Variants in NHSL3 observed in about 807,000 individuals in gnomAD.
The protein encoded by NHSL3 is NHS like 3, also known as NHS-like protein 3.
At chr1:32,742,719 C>G in the NHSL3 span, among the ~76,000 whole-genome samples, 1 of 152,250 alleles carries the variant, frequency 6.6e-6, no homozygotes, top group African/African-American at 2.4e-5. Flanking sequence ...CTTAACAGTG[C>G]TGGCTTTTCC....
chr1:32,745,805 A>G, the NHSL3 span, among the ~76,000 whole-genome samples: 3 of 152,128 alleles, frequency 2.0e-5, no homozygotes, highest in African/African-American at 7.2e-5. Context: ...GCTGCTGAGG[A>G]CTTGAGCATT....
At chr1:32,752,960 T>C in the NHSL3 span, among the ~76,000 whole-genome samples, 2,239 of 18,420 alleles carry the variant, frequency 0.12, 76 homozygotes, top group African/African-American at 0.15. Context: ...CATATATATA[T>C]ATATATATTT....
chr1:32,744,145 C>T, the NHSL3 span, among the ~76,000 whole-genome samples: 4 of 152,270 alleles, frequency 2.6e-5, no homozygotes, highest in South Asian at 8.3e-4. Context: ...GAGGGATACA[C>T]AGGAGATTCC....
At chr1:32,753,679 C>G in the NHSL3 span, among the ~76,000 whole-genome samples, 2 of 152,170 alleles carry the variant, frequency 1.3e-5, no homozygotes, top group Non-Finnish European at 2.9e-5. Context: ...GTGACAGTCA[C>G]GGGGAGGTGG....
At chr1:32,773,834 G>A in the NHSL3 span, 1 of 152,802 alleles carries the variant, frequency 6.5e-6, no homozygotes, top group Non-Finnish European at 1.5e-5. Flanking sequence ...GCCCAGGCCT[G>A]GCCCTCCACA....
At chr1:32,770,871 G>T in the NHSL3 span, 7 of 1,608,772 alleles carry the variant, frequency 4.4e-6, no homozygotes, top group Admixed American at 6.7e-5. This position sits in a 1 kb window ranked among gnomAD's most constrained non-coding sequence, Gnocchi z 8.3. Flanking sequence ...GCTTGTCTCC[G>T]GGTGGTTCCC....
chr1:32,752,439 G>A, the NHSL3 span, among the ~76,000 whole-genome samples: 4 of 152,162 alleles, frequency 2.6e-5, no homozygotes, highest in African/African-American at 9.7e-5. Context: ...GCTCTACCAT[G>A]TTGCCTCTAG....
the NHSL3 span, chr1:32,765,886 C>T: frequency 1.4e-6 from 2 of 1,460,338 alleles, no homozygotes; most frequent in South Asian, 2.4e-5. Context: ...TTTCCCAGAC[C>T]CTTATGTAGA....
the NHSL3 span, among the ~76,000 whole-genome samples, chr1:32,745,233 C>T: frequency 1.3e-5 from 2 of 151,796 alleles, no homozygotes; most frequent in African/African-American, 2.4e-5. Context: ...CTCTAACGAC[C>T]CAGTCTGGAA....
chr1:32,743,929 A>G, the NHSL3 span, among the ~76,000 whole-genome samples: 1 of 152,184 alleles, frequency 6.6e-6, no homozygotes, highest in Non-Finnish European at 1.5e-5. Context: ...GACTGGAGGA[A>G]GTCCTGTTCC....
the NHSL3 span, among the ~76,000 whole-genome samples, chr1:32,759,670 C>T: frequency 3.3e-5 from 5 of 152,266 alleles, no homozygotes; most frequent in East Asian, 1.9e-4. Context: ...AGAGGGATTC[C>T]GGCACAGGTG....
At chr1:32,742,184 G>A in the NHSL3 span, 4 of 1,248,506 alleles carry the variant, frequency 3.2e-6, no homozygotes, top group Admixed American at 4.2e-5. Context: ...AAGGGCAAAG[G>A]CCGAGGTAAG....
chr1:32,768,948 TAA>T, the NHSL3 span: 2 of 846,182 alleles, frequency 2.4e-6, no homozygotes, highest in East Asian at 5.7e-5. Context: ...ATAAAGCAGT[TAA>T]GAGTTAGAAA....
chr1:32,745,160 G>A, the NHSL3 span, among the ~76,000 whole-genome samples: 6 of 150,796 alleles, frequency 4.0e-5, no homozygotes, highest in Non-Finnish European at 5.9e-5. Context: ...TTATATTAAA[G>A]AGAAGTAACC....
At chr1:32,771,086 C>T in the NHSL3 span, 1 of 1,613,852 alleles carries the variant, frequency 6.2e-7, no homozygotes, top group Non-Finnish European at 8.5e-7. Context: ...TTATGTTCCT[C>T]CTCCTCTGAC....
the NHSL3 span, chr1:32,770,889 C>T: frequency 6.2e-7 from 1 of 1,609,678 alleles, no homozygotes; most frequent in Non-Finnish European, 8.5e-7. The surrounding 1 kb of genome is among the most constrained non-coding windows in gnomAD (Gnocchi z 8.3). Flanking sequence ...CCCGGCGCCC[C>T]CCACGGTCCC....
chr1:32,765,143 G>A, the NHSL3 span, among the ~76,000 whole-genome samples: 3 of 152,230 alleles, frequency 2.0e-5, no homozygotes, highest in African/African-American at 7.2e-5. Flanking sequence ...CTATGTATGA[G>A]GGGCTGTACT....
the NHSL3 span, among the ~76,000 whole-genome samples, chr1:32,747,228 C>G: frequency 1.3e-5 from 2 of 151,670 alleles, no homozygotes; most frequent in Non-Finnish European, 1.5e-5. Context: ...CTCTGTCGCC[C>G]AGGCTGGCGT....
chr1:32,763,628 G>A, the NHSL3 span, among the ~76,000 whole-genome samples: 6 of 152,140 alleles, frequency 3.9e-5, no homozygotes, highest in Non-Finnish European at 8.8e-5. Context: ...CTGGAGTGCA[G>A]TAGCGGGATC....
Sources: gnomAD v4.1 joint callset for allele counts (sites outside exome capture counted in the v4.1 genomes callset) on GRCh38, gnomAD v4.1.1 for gene constraint, Gnocchi (gnomAD v3.1) non-coding constraint, MANE v1.5 for transcripts, NCBI Gene and HGNC (gene_info 2026-07-23, HGNC 2026-07-21) for gene names.